LRRC7: variants seen among roughly 807,000 people sequenced by gnomAD.
LRRC7 encodes leucine rich repeat containing 7.
In LRRC7, 23 loss-of-function variants were observed where a neutral mutation model predicts 175.7. The ratio of observed to expected loss-of-function variants is 0.13; its 90% CI spans 0.09 to 0.19. The LOEUF is 0.19. LRRC7 is among the 10% of genes least tolerant of loss of function. The pLI, the probability that LRRC7 is intolerant of heterozygous loss-of-function variation, is 1.00. For missense variants in LRRC7, 1,354 were observed against 1,904.7 expected, an observed-to-expected ratio of 0.71 and a Z score of 5.38; for synonymous variants, 685 against 680.9, an observed-to-expected ratio of 1.01 and a Z score of -0.09.
At position 69,868,033 on chromosome 1, in the gene LRRC7, C is replaced by A. The variant is rs144742280; in HGVS notation, c.647+29750C>A. Among the ~76,000 whole-genome samples, 604 of 152,032 alleles carry A rather than the reference C, an allele frequency of 4.0e-3. 5 individuals carry two copies. The highest frequency in any genetic ancestry group is 0.013 in the African/African-American group (548 of 41,490). On this transcript the variant is annotated intron_variant, in intron 7 of 26. Coordinates refer to ENST00000651989, the MANE Select transcript of LRRC7 (RefSeq NM_001370785.2). ...AGAGTTAGAGGTATGAGAATCATAC[C>A]ATACCATTTATTATTTTACGCCCAG... is the stretch of plus-strand genomic sequence containing the variant.
chr1:69,881,483 G>A (rs540210727), intron 7 of LRRC7, among the ~76,000 whole-genome samples: 43 of 152,124 alleles, frequency 2.8e-4, no homozygotes, highest in South Asian at 8.3e-4. Context: ...TGTCACTTCC[G>A]TTTGAATTAT....
rs1192126687 is a variant in LRRC7, at chr1:70,123,064, A to G, written c.*1177A>G. 1 of 152,546 alleles carries G rather than the reference A, an allele frequency of 6.6e-6. No homozygotes were observed. The highest frequency in any genetic ancestry group is 1.5e-5 in the Non-Finnish European group (1 of 67,954). 9.4% of individuals were successfully genotyped at this position (152,546 alleles called of 1,614,324 possible). A position where few individuals can be genotyped will look rare whatever the true frequency, so the allele number is the denominator to read the frequency against. Reference sequence around the variant, plus strand: ...TTTTTTCCAAAAACAGTTTCAAGGTATGTAAAATCCTGAATGCTTTTTCAC... The same window carrying G: ...TTTTTTCCAAAAACAGTTTCAAGGTGTGTAAAATCCTGAATGCTTTTTCAC... On this transcript the variant is annotated 3_prime_UTR_variant, in exon 27 of 27. Transcript: ENST00000651989.
chr1:70,010,133 C>T (rs1300317836), intron 11 of LRRC7, among the ~76,000 whole-genome samples: 2 of 152,044 alleles, frequency 1.3e-5, no homozygotes, highest in African/African-American at 4.8e-5. Flanking sequence ...TTTATTGATA[C>T]CCAAGATAAT....
chr1:69,650,281 C>T (rs1655605165), intron 1 of LRRC7, among the ~76,000 whole-genome samples: 1 of 152,082 alleles, frequency 6.6e-6, no homozygotes, highest in African/African-American at 2.4e-5. Flanking sequence ...TGGCTCACGC[C>T]TGTAATCCCA....
At chr1:70,121,731 A>C in intron 26 of LRRC7, 49 bp from the exon 27 acceptor site, 2 of 1,187,076 alleles carry the variant, frequency 1.7e-6, no homozygotes, top group East Asian at 4.8e-5. Context: ...ACAACGATAC[A>C]GTGATAATAG....
intron 7 of LRRC7, among the ~76,000 whole-genome samples, chr1:69,859,646 C>T (rs1175774129): frequency 6.6e-6 from 1 of 151,914 alleles, no homozygotes; most frequent in Non-Finnish European, 1.5e-5. Context: ...CATTAATCAC[C>T]TTTGGGGAAG....
At chr1:70,106,821 T>C (rs1665179122) in intron 25 of LRRC7, among the ~76,000 whole-genome samples, 1 of 152,220 alleles carries the variant, frequency 6.6e-6, no homozygotes, top group South Asian at 2.1e-4. Flanking sequence ...TCCCCTTACC[T>C]GTGTGGATGA....
chr1:69,831,504 T>C (rs1680522379), intron 5 of LRRC7, among the ~76,000 whole-genome samples: 1 of 152,066 alleles, frequency 6.6e-6, no homozygotes, highest in Non-Finnish European at 1.5e-5. Context: ...TCTCCTGATA[T>C]TCTTAAATAT....
intron 2 of LRRC7, among the ~76,000 whole-genome samples, chr1:69,687,520 C>CAAAAAAAAAAAAAAACA (rs1661306401): frequency 1.0e-5 from 1 of 96,892 alleles, no homozygotes; most frequent in African/African-American, 4.0e-5. Flanking sequence ...AAGAAAAAAC[C>CAAAAAAAAAAAAAAACA]AAAAAAAAAA....
At position 70,044,079 on chromosome 1, in the gene LRRC7, A is replaced by G. The variant is rs377317817; in HGVS notation, c.4095A>G (p.Glu1365=). ...LQTKSKFDHQ[E]LPLQKTPSQQ... ...CTAAGTCTAAATTTGATCATCAAGA[A>G]CTACCTCTTCAGAAAGTAAGTATGG... Residue 1365 remains glutamate, a synonymous_variant, in exon 22 of 27, where the codon GAA becomes GAG. Coordinates refer to ENST00000651989, the MANE Select transcript of LRRC7 (RefSeq NM_001370785.2). 1.9e-6 allele frequency: 3 copies of G among 1,613,072 alleles called. No individual in the cohort carries two copies. The highest frequency in any genetic ancestry group is 2.5e-6 in the Non-Finnish European group (3 of 1,179,444).
At chr1:70,002,996 G>C (rs963647440) in intron 11 of LRRC7, among the ~76,000 whole-genome samples, 1 of 152,154 alleles carries the variant, frequency 6.6e-6, no homozygotes, top group Admixed American at 6.6e-5. Flanking sequence ...AAATATCATG[G>C]ATGGGGTGGC....
At chr1:69,645,960 G>GTTT in intron 1 of LRRC7, among the ~76,000 whole-genome samples, 1 of 152,046 alleles carries the variant, frequency 6.6e-6, no homozygotes, top group South Asian at 2.1e-4. Context: ...AGGCCATATT[G>GTTT]TATTAAGTTT....
At chr1:70,051,897 C>T (rs1387278381) in intron 22 of LRRC7, among the ~76,000 whole-genome samples, 3 of 151,978 alleles carry the variant, frequency 2.0e-5, no homozygotes, top group Admixed American at 2.0e-4. Flanking sequence ...ACTAAGACCA[C>T]TCAATATAAC....
intron 2 of LRRC7, among the ~76,000 whole-genome samples, chr1:69,755,563 T>G (rs976809851): frequency 6.6e-6 from 1 of 151,332 alleles, no homozygotes; most frequent in Non-Finnish European, 1.5e-5. Flanking sequence ...CATATATACA[T>G]ACATATATAT....
chr1:69,794,997 G>C (rs765107541), intron 4 of LRRC7, among the ~76,000 whole-genome samples: 1 of 152,234 alleles, frequency 6.6e-6, no homozygotes, highest in East Asian at 1.9e-4. Context: ...AGTACTATAG[G>C]CTTGATGAGT....
chr1:69,902,399 G>A (rs1319304322), intron 7 of LRRC7, among the ~76,000 whole-genome samples: 1 of 151,990 alleles, frequency 6.6e-6, no homozygotes. Flanking sequence ...GTAAAACCTC[G>A]TCTCTACAAA....
At chr1:70,031,820 G>A (rs1658760793) in intron 18 of LRRC7, among the ~76,000 whole-genome samples, 1 of 148,158 alleles carries the variant, frequency 6.7e-6, no homozygotes, top group Admixed American at 6.8e-5. Context: ...TTTCTTTTGA[G>A]ACGGAGTCTC....
intron 23 of LRRC7, among the ~76,000 whole-genome samples, chr1:70,073,545 T>C (rs1274436554): frequency 6.6e-6 from 1 of 152,232 alleles, no homozygotes; most frequent in Non-Finnish European, 1.5e-5. Context: ...AGACTAGTAC[T>C]ACAATACTCT....
At chr1:69,906,167 C>T (rs1480591060) in intron 7 of LRRC7, among the ~76,000 whole-genome samples, 1 of 152,090 alleles carries the variant, frequency 6.6e-6, no homozygotes, top group Non-Finnish European at 1.5e-5. Context: ...AGCGCTTTGT[C>T]AGATGAGTAG....
Sources: gnomAD v4.1 joint callset for allele counts (sites outside exome capture counted in the v4.1 genomes callset) on GRCh38, gnomAD v4.1.1 for gene constraint, MANE v1.5 for transcripts, NCBI Gene and HGNC (gene_info 2026-07-23, HGNC 2026-07-21) for gene names.